Variants in TTC28 observed in about 807,000 individuals in gnomAD.
TTC28 encodes tetratricopeptide repeat protein 28.
TTC28 carries 61 observed loss-of-function variants against 198.0 expected under a neutral mutation model. The ratio of observed to expected loss-of-function variants is 0.31; its 90% confidence interval spans 0.25 to 0.38. The LOEUF (loss-of-function observed/expected upper bound fraction) is 0.38. Among genes scored for constraint, TTC28 ranks in the 10% least tolerant of loss-of-function variants. TTC28 has a pLI of 1.00. For missense variants in TTC28, 2,678 were observed against 3,164.0 expected (o/e 0.85, Z 3.69); for synonymous variants, 1,171 against 1,297.8 (o/e 0.90, Z 2.10).
intron 6 of TTC28, among the ~76,000 whole-genome samples, chr22:28,162,110 A>C (rs1223587850): frequency 6.6e-6 from 1 of 152,176 alleles, no homozygotes; most frequent in East Asian, 1.9e-4. Context: ...TTCATTATGT[A>C]CCCACATCTG....
chr22:28,321,839 T>A (rs1055174122), intron 2 of TTC28, among the ~76,000 whole-genome samples: 9 of 152,154 alleles, frequency 5.9e-5, no homozygotes, highest in African/African-American at 1.9e-4. Flanking sequence ...TGGAAAACCC[T>A]GTAATAATTA....
At chr22:28,075,365 TC>T (rs1941134056) in intron 12 of TTC28, among the ~76,000 whole-genome samples, 1 of 152,134 alleles carries the variant, frequency 6.6e-6, no homozygotes, top group Non-Finnish European at 1.5e-5. Flanking sequence ...AGTGCTCTAG[TC>T]CCTAATGTGG....
At chr22:28,246,720 G>A (rs1930125549) in intron 5 of TTC28, among the ~76,000 whole-genome samples, 1 of 152,128 alleles carries the variant, frequency 6.6e-6, no homozygotes, top group Non-Finnish European at 1.5e-5. Context: ...CCACAATCTA[G>A]TAAGTGGTGT....
At chr22:28,282,160 A>G (rs2044596026) in intron 5 of TTC28, among the ~76,000 whole-genome samples, 1 of 152,036 alleles carries the variant, frequency 6.6e-6, no homozygotes, top group African/African-American at 2.4e-5. Context: ...ATTCTCTAGT[A>G]CCCTCATATA....
At chr22:28,197,985 G>T (rs1925542694) in intron 5 of TTC28, among the ~76,000 whole-genome samples, 1 of 152,024 alleles carries the variant, frequency 6.6e-6, no homozygotes, top group South Asian at 2.1e-4. Context: ...GTGCAAAAAA[G>T]ATTTTAAAAA....
intron 2 of TTC28, among the ~76,000 whole-genome samples, chr22:28,425,037 A>T (rs1207963134): frequency 6.6e-6 from 1 of 152,230 alleles, no homozygotes; most frequent in African/African-American, 2.4e-5. Flanking sequence ...GTCACTGTAC[A>T]TATAAATAAA....
At chr22:28,414,654 G>A (rs1266163063) in intron 2 of TTC28, among the ~76,000 whole-genome samples, 1 of 152,212 alleles carries the variant, frequency 6.6e-6, no homozygotes, top group Non-Finnish European at 1.5e-5. Context: ...GAGTGGATAT[G>A]GGGAAGAATT....
At chr22:28,051,179 A>T (rs1435525447) in intron 12 of TTC28, among the ~76,000 whole-genome samples, 1 of 152,200 alleles carries the variant, frequency 6.6e-6, no homozygotes, top group Non-Finnish European at 1.5e-5. Context: ...TATTCCCTAG[A>T]TCTTTTGTAA....
In TTC28 at chr22:28,487,703, T is replaced by C. The variant is rs2048329498; in HGVS notation, c.381+141849A>G. The stretch of plus-strand genomic sequence containing the variant: ...CATCCATTGTAAGCATATTCTATGT[T>C]GCTGCATGAAAATATTTAAGTCAAA... On this transcript the variant is annotated intron_variant, in intron 2 of 22. Coordinates refer to ENST00000397906, the MANE Select transcript of TTC28 (RefSeq NM_001145418.2). Among the ~76,000 whole-genome samples, 3 of 152,176 alleles carry C rather than the reference T, an allele frequency of 2.0e-5. No homozygotes were observed. In the South Asian group the frequency reaches 6.2e-4, roughly 32 times the overall value.
intron 11 of TTC28, among the ~76,000 whole-genome samples, chr22:28,095,299 C>T (rs1221940784): frequency 6.6e-6 from 1 of 151,834 alleles, no homozygotes; most frequent in Non-Finnish European, 1.5e-5. Context: ...AAAAACAATG[C>T]CGAGGCATAG....
At chr22:28,595,562 A>G (rs2050525324) in intron 2 of TTC28, among the ~76,000 whole-genome samples, 1 of 152,220 alleles carries the variant, frequency 6.6e-6, no homozygotes, top group African/African-American at 2.4e-5. Flanking sequence ...CACAGTGTCC[A>G]GCACACAGCA....
chr22:28,648,817 G>C (rs568773532), intron 1 of TTC28, among the ~76,000 whole-genome samples: 10 of 152,314 alleles, frequency 6.6e-5, no homozygotes, highest in Admixed American at 2.6e-4. Flanking sequence ...GCTGAGACAG[G>C]AGAATTGCTG....
chr22:28,373,712 G>T (rs2046370095), intron 2 of TTC28, among the ~76,000 whole-genome samples: 1 of 152,180 alleles, frequency 6.6e-6, no homozygotes, highest in Admixed American at 6.5e-5. Flanking sequence ...AGAGTGATGT[G>T]ACCAAAACTA....
chr22:27,982,395 A>C lies in TTC28; in HGVS notation c.7272T>G (p.Ala2424=), dbSNP rs902435664. 1.1e-5 allele frequency: 17 copies of C among 1,550,782 alleles called. No homozygotes were observed. The African/African-American group carries it at 2.3e-4, about 21-fold the overall frequency. ...GTCCGTTGGGAGGGGCTTTCGGTGG[A>C]GCTCCGTCATGCTGCTGCAGGGACA... The part of the protein sequence containing the change: ...KELSLQQHDG[A]PPKAPPNGHW... The change falls in exon 23 of 23, where the codon GCT becomes GCG. Residue 2424 remains alanine (A), a synonymous_variant. Coordinates refer to ENST00000397906, the MANE Select transcript of TTC28 (RefSeq NM_001145418.2). The surrounding 1 kb of genome is among the most constrained non-coding windows in gnomAD (Gnocchi z 5.2).
chr22:28,039,156 C>G (rs1939500417), intron 12 of TTC28, among the ~76,000 whole-genome samples: 1 of 152,148 alleles, frequency 6.6e-6, no homozygotes, highest in African/African-American at 2.4e-5. Context: ...TTGACCCAGC[C>G]ATCCCATTAC....
intron 2 of TTC28, among the ~76,000 whole-genome samples, chr22:28,433,932 C>T (rs550694307): frequency 6.6e-6 from 1 of 152,214 alleles, no homozygotes; most frequent in Non-Finnish European, 1.5e-5. Context: ...ATATCTAATT[C>T]TTGGTCATCA....
chr22:28,523,139 A>G (rs2048940847), intron 2 of TTC28, among the ~76,000 whole-genome samples: 1 of 152,204 alleles, frequency 6.6e-6, no homozygotes. Flanking sequence ...ACACAGAGAG[A>G]TCAAAAGTGA....
intron 1 of TTC28, among the ~76,000 whole-genome samples, chr22:28,662,928 A>T (rs142522859): frequency 1.3e-5 from 2 of 152,268 alleles, no homozygotes; most frequent in East Asian, 3.9e-4. Flanking sequence ...GTGCAGTATC[A>T]GGAAATGCAA....
At chr22:28,342,431 C>T (rs2045846066) in intron 2 of TTC28, among the ~76,000 whole-genome samples, 2 of 152,072 alleles carry the variant, frequency 1.3e-5, no homozygotes, top group Admixed American at 1.3e-4. Context: ...AACCATTGCC[C>T]AGAGACCATC....
Sources: gnomAD v4.1 joint callset for allele counts (sites outside exome capture counted in the v4.1 genomes callset) on GRCh38, gnomAD v4.1.1 for gene constraint, Gnocchi (gnomAD v3.1) non-coding constraint, MANE v1.5 for transcripts, NCBI Gene and HGNC (gene_info 2026-07-23, HGNC 2026-07-21) for gene names.